Variants in RAPGEF6 observed in about 807,000 individuals in gnomAD.
RAPGEF6 encodes PDZ domain containing guanine nucleotide exchange factor (GEF) 2.
A neutral mutation model predicts 171.4 loss-of-function variants in RAPGEF6; 56 were observed. The ratio of observed to expected loss-of-function variants is 0.33; its 90% CI spans 0.26 to 0.41. RAPGEF6 has a LOEUF of 0.41. RAPGEF6 is among the 10% of genes least tolerant of loss of function. The probability of loss-of-function intolerance (pLI) is 1.00; values close to 1 mark genes in which losing one functional copy is unlikely to be tolerated. For missense variants in RAPGEF6, 1,674 were observed against 1,921.4 expected (o/e 0.87, Z 2.41); for synonymous variants, 692 against 650.1 (o/e 1.06, Z -0.98).
chr5:131,590,246 A>G (rs748279151), intron 4 of RAPGEF6, among the ~76,000 whole-genome samples: 9 of 152,150 alleles, frequency 5.9e-5, no homozygotes, highest in Admixed American at 2.0e-4. Context: ...CTAAAAATAC[A>G]AAAATTAGCT....
At chr5:131,598,363 G>C (rs1201848571) in intron 3 of RAPGEF6, among the ~76,000 whole-genome samples, 1 of 152,060 alleles carries the variant, frequency 6.6e-6, no homozygotes, top group African/African-American at 2.4e-5. Flanking sequence ...AAGGAGGAAA[G>C]AGAAAACAGG....
chr5:131,548,990 G>C lies in RAPGEF6; in HGVS notation c.352-800C>G, dbSNP rs148106216. ...GAGGTGGGAGGATCAACTGAGCCCA[G>C]GAGTTCAAAGCTGCTGTTAGCTATG... On this transcript the variant is annotated intron_variant, in intron 5 of 27. Transcript: ENST00000509018. Among the ~76,000 whole-genome samples, 910 of 152,126 alleles carry C rather than the reference G, an allele frequency of 6.0e-3. 4 individuals carry two copies. Among genetic ancestry groups the C allele is most frequent in the African/African-American group, 0.021 (872 of 41,486 alleles).
At chr5:131,545,250 A>C (rs927103949) in intron 6 of RAPGEF6, among the ~76,000 whole-genome samples, 1 of 152,194 alleles carries the variant, frequency 6.6e-6, no homozygotes, top group African/African-American at 2.4e-5. Flanking sequence ...CTAAGAATTT[A>C]GTTAAAAAAT....
chr5:131,529,781 T>G (rs1759242785), intron 6 of RAPGEF6, among the ~76,000 whole-genome samples: 1 of 151,494 alleles, frequency 6.6e-6, no homozygotes, highest in Admixed American at 6.6e-5. Flanking sequence ...GGATGTGGTG[T>G]GCATCTGTGG....
At chr5:131,624,207 T>C (rs1212442048) in intron 1 of RAPGEF6, among the ~76,000 whole-genome samples, 1 of 152,218 alleles carries the variant, frequency 6.6e-6, no homozygotes, top group African/African-American at 2.4e-5. Flanking sequence ...CAAAAAGATA[T>C]TCAATCCTAG....
In RAPGEF6 at chr5:131,479,695, G is replaced by A; in HGVS notation, c.1899C>T (p.Pro633=). The A allele has an allele frequency of 6.2e-7, 1 of 1,613,540 alleles. No homozygotes were observed. The highest frequency in any genetic ancestry group is 1.3e-5 in the African/African-American group (1 of 74,854). The stretch of plus-strand genomic sequence containing the variant: ...GATTACTTTTTTTTTCAGCAATTTT[G>A]GGAATATGAGGAACACCAGATTTCT... The part of the protein sequence containing the change: ...EQEKSGVPHI[P]KIAEKKSNRH... Residue 633 remains proline (P), a synonymous_variant, in exon 16 of 28, where the codon CCC becomes CCT. Transcript: ENST00000509018.
At chr5:131,430,773 C>T (rs143983317) in intron 26 of RAPGEF6, 86 bp downstream of exon 26, 67 of 1,541,164 alleles carry the variant, frequency 4.3e-5, no homozygotes, top group South Asian at 1.8e-4. Flanking sequence ...ATTTTTGCGA[C>T]GATAAAATCC....
intron 7 of RAPGEF6, among the ~76,000 whole-genome samples, chr5:131,512,147 G>A (rs1170168426): frequency 6.6e-6 from 1 of 152,128 alleles, no homozygotes; most frequent in Non-Finnish European, 1.5e-5. Context: ...AGCATGCAGG[G>A]CAGAGAAAGA....
chr5:131,544,973 C>T (rs139153763), intron 6 of RAPGEF6, among the ~76,000 whole-genome samples: 129 of 152,290 alleles, frequency 8.5e-4, no homozygotes, highest in African/African-American at 3.0e-3. Context: ...TGAGCCACCA[C>T]GCCTGGCCCA....
chr5:131,471,347 G>A (rs1754722741), intron 17 of RAPGEF6, among the ~76,000 whole-genome samples: 1 of 152,180 alleles, frequency 6.6e-6, no homozygotes, highest in African/African-American at 2.4e-5. Flanking sequence ...TGTGCAGAAT[G>A]ACCTTCACTA....
chr5:131,451,785 A>G (rs571662287), intron 21 of RAPGEF6, among the ~76,000 whole-genome samples: 12 of 152,292 alleles, frequency 7.9e-5, no homozygotes, highest in Middle Eastern at 3.4e-3. Context: ...TTAGCACAGT[A>G]TATTTTTTTA....
intron 11 of RAPGEF6, among the ~76,000 whole-genome samples, chr5:131,502,337 A>C (rs1022427134): frequency 6.6e-6 from 1 of 152,254 alleles, no homozygotes; most frequent in East Asian, 1.9e-4. Flanking sequence ...ACATAAACTA[A>C]AAGTCTGAGG....
At chr5:131,600,643 G>A (rs978999618) in intron 3 of RAPGEF6, among the ~76,000 whole-genome samples, 6 of 149,302 alleles carry the variant, frequency 4.0e-5, no homozygotes, top group Non-Finnish European at 6.0e-5. Flanking sequence ...AGGAGGGAGC[G>A]AAGGAAGGAA....
chr5:131,464,281 T>G lies in RAPGEF6; in HGVS notation c.2240A>C (p.Asp747Ala), dbSNP rs758136145. ...TSMLDFSNPS[D>A]IPDQVIRVFK... ...AACTCTTATAACTTGATCAGGGATA[T>G]CTACATAAATAGAAAGATATGCTTT... The change falls in exon 18 of 28, where the codon GAT becomes GCT. Residue 747 changes from aspartate to alanine, a missense_variant and splice_region_variant. Transcript: ENST00000509018. 1.2e-6 allele frequency: 2 copies of G among 1,606,904 alleles called. No homozygotes were observed. The highest frequency in any genetic ancestry group is 1.1e-5 in the South Asian group (1 of 90,592).
intron 15 of RAPGEF6, among the ~76,000 whole-genome samples, chr5:131,485,185 C>T (rs1222163588): frequency 1.3e-5 from 2 of 152,136 alleles, no homozygotes; most frequent in Admixed American, 6.5e-5. Flanking sequence ...CCTCAGCCTC[C>T]TAAATTGCTA....
intron 6 of RAPGEF6, among the ~76,000 whole-genome samples, chr5:131,546,540 G>C (rs561253897): frequency 2.4e-4 from 36 of 151,960 alleles, no homozygotes; most frequent in African/African-American, 8.2e-4. Flanking sequence ...GGAGGCAGAG[G>C]TTGCAGTAAG....
chr5:131,527,249 A>G (rs1011894658), intron 6 of RAPGEF6, among the ~76,000 whole-genome samples: 2 of 152,146 alleles, frequency 1.3e-5, no homozygotes, highest in Non-Finnish European at 2.9e-5. Context: ...TGCCATCTCA[A>G]CATAAGGCCA....
intron 4 of RAPGEF6, among the ~76,000 whole-genome samples, chr5:131,573,052 C>T (rs1222422301): frequency 6.6e-6 from 1 of 152,106 alleles, no homozygotes; most frequent in Non-Finnish European, 1.5e-5. Context: ...CTTTCTCTCC[C>T]ATCTGCTCCT....
Position 131,510,387 on chromosome 5 carries a change from A to C in RAPGEF6, c.732T>G (p.Asp244Glu), listed in dbSNP as rs1211018779. 6.2e-7 allele frequency: 1 copy of C among 1,614,124 alleles called. No individual in the cohort carries two copies. The highest frequency in any genetic ancestry group is 8.5e-7 in the Non-Finnish European group (1 of 1,180,006). Residue 244 changes from aspartate (D) to glutamate (E), a missense_variant, in exon 8 of 28, where the codon GAT becomes GAG. Asp to Glu is a conservative substitution (Grantham distance 45). Transcript: ENST00000509018. ...GAACAAGATCTCGCCCCTGCAATGG[A>C]TCTGTTCGATCAATCTCTTCATCTT... is the stretch of plus-strand genomic sequence containing the variant. ...EEEDEEIDRT[D>E]PLQGRDLVRE...
Sources: gnomAD v4.1 joint callset for allele counts (sites outside exome capture counted in the v4.1 genomes callset) on GRCh38, gnomAD v4.1.1 for gene constraint, MANE v1.5 for transcripts, NCBI Gene and HGNC (gene_info 2026-07-23, HGNC 2026-07-21) for gene names.